The following SLC6A11 variants were observed in gnomAD, a reference collection of about 807,000 sequenced individuals.
The protein encoded by SLC6A11 is sodium- and chloride-dependent GABA transporter 3.
SLC6A11 carries 25 observed loss-of-function variants against 74.8 expected under a neutral mutation model. The observed-to-expected ratio is 0.33, with a 90% CI of 0.24 to 0.47. The LOEUF is 0.47. Among genes scored for constraint, SLC6A11 ranks in the 20% least tolerant of loss-of-function variants. The probability of loss-of-function intolerance (pLI) is 1.00; values close to 1 mark genes in which losing one functional copy is unlikely to be tolerated. For synonymous variants in SLC6A11, 330 were observed against 330.2 expected, an observed-to-expected ratio of 1.00 and a Z score of 0.01; for missense variants, 574 against 837.0, an observed-to-expected ratio of 0.69 and a Z score of 3.88.
chr3:10,918,380 G>A lies in SLC6A11; in HGVS notation c.1047G>A (p.Gly349=), dbSNP rs753484808. Residue 349 remains glycine (G), a synonymous_variant, in exon 8 of 14, where the codon GGG becomes GGA. Transcript: ENST00000254488. The surrounding 1 kb of genome is among the most constrained non-coding windows in gnomAD (Gnocchi z 4.5). ...CLNSGTSFVA[G]FAIFSVLGFM... is the part of the protein sequence containing the mutation. The stretch of plus-strand genomic sequence containing the variant: ...ACAGCGGCACCAGCTTCGTGGCTGG[G>A]TTTGCCATCTTCTCAGTCCTGGGTT... The A allele has an allele frequency of 1.1e-5, 18 of 1,609,182 alleles. No homozygotes were observed. The highest frequency in any genetic ancestry group is 2.7e-5 in the African/African-American group (2 of 74,526).
intron 6 of SLC6A11, among the ~76,000 whole-genome samples, chr3:10,884,546 C>A (rs1695020214): frequency 6.6e-6 from 1 of 152,186 alleles, no homozygotes; most frequent in Non-Finnish European, 1.5e-5. Flanking sequence ...GCACAGCCAG[C>A]AGCTGAACCC....
chr3:10,940,077 G>A lies in SLC6A11; in HGVS notation c.*1675G>A, dbSNP rs1695807093. 1 of 152,350 alleles carries A rather than the reference G, an allele frequency of 6.6e-6. No homozygotes were observed. The highest frequency in any genetic ancestry group is 2.4e-5 in the African/African-American group (1 of 41,470). 9.4% of individuals were successfully genotyped at this position (152,350 alleles called of 1,614,324 possible). A position where few individuals can be genotyped will look rare whatever the true frequency, so the allele number is the denominator to read the frequency against. ...CAGCATCTCTGCTCTGGCCAGCCCT[G>A]ATCTGAAGCCTGTGTCTACTAAGAG... On this transcript the variant is annotated 3_prime_UTR_variant, in exon 14 of 14. Coordinates refer to ENST00000254488, the MANE Select transcript of SLC6A11 (RefSeq NM_014229.3).
At chr3:10,822,417 G>C (rs1179608856) in intron 3 of SLC6A11, among the ~76,000 whole-genome samples, 1 of 152,218 alleles carries the variant, frequency 6.6e-6, no homozygotes, top group Non-Finnish European at 1.5e-5. Flanking sequence ...GCCCTGGCTG[G>C]AGTTTATTAC....
intron 5 of SLC6A11, among the ~76,000 whole-genome samples, chr3:10,864,361 G>T (rs1340411897): frequency 2.6e-5 from 4 of 151,492 alleles, no homozygotes; most frequent in Non-Finnish European, 4.4e-5. Flanking sequence ...GCGTTTTCCT[G>T]TCAGTATCTG....
At chr3:10,934,017 C>G in intron 11 of SLC6A11, 49 bp from the exon 12 acceptor site, 1 of 1,337,370 alleles carries the variant, frequency 7.5e-7, no homozygotes, top group Non-Finnish European at 1.1e-6. Context: ...GACTCATGTA[C>G]AAAACTTCTC....
chr3:10,892,727 C>T (rs1695121832), intron 6 of SLC6A11, among the ~76,000 whole-genome samples: 1 of 152,078 alleles, frequency 6.6e-6, no homozygotes. Context: ...TTAAAATGTC[C>T]TTTGGAGGAG....
intron 4 of SLC6A11, among the ~76,000 whole-genome samples, chr3:10,840,802 C>T (rs753774972): frequency 2.6e-5 from 4 of 152,160 alleles, no homozygotes; most frequent in Admixed American, 6.5e-5. Flanking sequence ...CAAGTTACTT[C>T]GCCTCTGTGC....
At chr3:10,869,420 A>G (rs1209123928) in intron 5 of SLC6A11, among the ~76,000 whole-genome samples, 1 of 152,260 alleles carries the variant, frequency 6.6e-6, no homozygotes, top group East Asian at 1.9e-4. Flanking sequence ...AGAAAGGACA[A>G]TGAGTTCTCA....
intron 6 of SLC6A11, among the ~76,000 whole-genome samples, chr3:10,882,001 C>G (rs561416590): frequency 2.6e-5 from 4 of 152,328 alleles, no homozygotes. Context: ...CAAGGACGTT[C>G]CCTGGGAGGG....
chr3:10,914,849 C>T (rs1458684251), intron 7 of SLC6A11, among the ~76,000 whole-genome samples: 1 of 152,166 alleles, frequency 6.6e-6, no homozygotes, highest in Non-Finnish European at 1.5e-5. Context: ...AGTATCACCC[C>T]ATCGGTGGCT....
chr3:10,915,777 A>G lies in SLC6A11; in HGVS notation c.996-2552A>G, dbSNP rs1695446246. On this transcript the variant is annotated intron_variant, in intron 7 of 13. Coordinates refer to ENST00000254488, the MANE Select transcript of SLC6A11 (RefSeq NM_014229.3). The surrounding 1 kb of genome is among the most constrained non-coding windows in gnomAD (Gnocchi z 4.3). ...CTGTCTCTCCTTCTGTCTCTCCATA[A>G]TGTGAGGAAGTCACTCAACAGACCT... Among the ~76,000 whole-genome samples the G allele has an allele frequency of 6.6e-6, 1 of 152,190 alleles. No homozygotes were observed. The highest frequency in any genetic ancestry group is 1.5e-5 in the Non-Finnish European group (1 of 68,032).
chr3:10,923,588 G>A (rs1418674776), intron 8 of SLC6A11, among the ~76,000 whole-genome samples: 2 of 152,114 alleles, frequency 1.3e-5, no homozygotes, highest in African/African-American at 4.8e-5. Context: ...AATAAATATA[G>A]AAGGAATGAG....
chr3:10,847,082 T>C (rs2106587376), intron 5 of SLC6A11, among the ~76,000 whole-genome samples: 1 of 152,340 alleles, frequency 6.6e-6, no homozygotes, highest in South Asian at 2.1e-4. Flanking sequence ...CCATTTAGGC[T>C]TTGAACAGCC....
intron 5 of SLC6A11, among the ~76,000 whole-genome samples, chr3:10,865,475 A>C (rs1398674291): frequency 6.6e-6 from 1 of 152,194 alleles, no homozygotes; most frequent in Non-Finnish European, 1.5e-5. Context: ...CATCCTGGCT[A>C]ACACGGTGAA....
intron 9 of SLC6A11, among the ~76,000 whole-genome samples, chr3:10,927,168 C>G (rs769605833): frequency 3.9e-5 from 6 of 152,250 alleles, no homozygotes; most frequent in Non-Finnish European, 8.8e-5. Flanking sequence ...AGCTGCTAAG[C>G]CAAATCACCG....
In SLC6A11 at chr3:10,917,599, C is replaced by T. The variant is rs3774083; in HGVS notation, c.996-730C>T. Among the ~76,000 whole-genome samples, 1,991 of 152,232 alleles carry T rather than the reference C, an allele frequency of 0.013. 112 individuals carry two copies. In the South Asian group the frequency reaches 0.14, roughly 10 times the overall value. ...AGGACAGGCCGGGACTCGAGGGTAC[C>T]GTCTTCATCTTGACAAAGTTCCATT... On this transcript the variant is annotated intron_variant, in intron 7 of 13. Transcript: ENST00000254488.
chr3:10,880,860 A>G (rs2106609008), intron 6 of SLC6A11, among the ~76,000 whole-genome samples: 1 of 152,060 alleles, frequency 6.6e-6, no homozygotes, highest in Non-Finnish European at 1.5e-5. Context: ...TTGCAGCCCC[A>G]CCTGTGCCAG....
intron 4 of SLC6A11, among the ~76,000 whole-genome samples, chr3:10,827,522 G>T (rs569586972): frequency 2.0e-5 from 3 of 152,278 alleles, no homozygotes; most frequent in African/African-American, 7.2e-5. Context: ...TGTGTGGCTG[G>T]TTTGGTGGGC....
chr3:10,877,789 A>C (rs1694927547), intron 6 of SLC6A11, among the ~76,000 whole-genome samples: 1 of 152,160 alleles, frequency 6.6e-6, no homozygotes, highest in Non-Finnish European at 1.5e-5. Flanking sequence ...TTGGAGCAAC[A>C]TTGGGCCTGC....
Sources: allele counts gnomAD v4.1 joint callset (sites outside exome capture counted in the v4.1 genomes callset), GRCh38; gene constraint gnomAD v4.1.1; non-coding constraint Gnocchi (gnomAD v3.1); transcripts MANE v1.5; gene names NCBI Gene and HGNC (gene_info 2026-07-23, HGNC 2026-07-21).